Variants in ACSL1 observed in about 807,000 individuals in gnomAD.
ACSL1 encodes the protein long-chain-fatty-acid--CoA ligase 1.
A neutral mutation model predicts 98.4 loss-of-function variants in ACSL1; 41 were observed. That is an observed-to-expected ratio of 0.42 (90% CI 0.32 to 0.54). The LOEUF (loss-of-function observed/expected upper bound fraction) is 0.54, where lower values mean the gene tolerates loss of function less well. ACSL1 is among the 20% of genes least tolerant of loss of function. The probability of loss-of-function intolerance (pLI) is 0.13; values close to 1 mark genes in which losing one functional copy is unlikely to be tolerated. For missense variants in ACSL1, 734 were observed against 883.1 expected (o/e 0.83, Z 2.14); for synonymous variants, 316 against 322.7 (o/e 0.98, Z 0.22).
chr4:184,774,551 G>A (rs1024987588), intron 7 of ACSL1, among the ~76,000 whole-genome samples: 1 of 152,112 alleles, frequency 6.6e-6, no homozygotes, highest in Admixed American at 6.5e-5. Context: ...TTTCCCAGCG[G>A]CAGGCTTCCA....
At chr4:184,775,893 C>T (rs768380122) in intron 7 of ACSL1, among the ~76,000 whole-genome samples, 18 of 152,148 alleles carry the variant, frequency 1.2e-4, no homozygotes, top group African/African-American at 4.1e-4. Context: ...GTCCAACTGA[C>T]GGGGATCAAC....
intron 2 of ACSL1, among the ~76,000 whole-genome samples, chr4:184,796,261 T>C (rs1377227230): frequency 6.6e-6 from 1 of 152,218 alleles, no homozygotes; most frequent in African/African-American, 2.4e-5. Flanking sequence ...TCGGACTGGC[T>C]TTCTTGCTCC....
chr4:184,825,167 G>A lies in ACSL1; in HGVS notation c.-33+749C>T, dbSNP rs931791856. The A allele has an allele frequency of 2.0e-6, 2 of 985,098 alleles. No homozygotes were observed. The highest frequency in any genetic ancestry group is 2.4e-6 in the Non-Finnish European group (2 of 829,828). The allele number at this position is 985,098 out of a possible 1,614,324, so 61.0% of individuals were successfully genotyped here. Reference sequence around the variant, plus strand: ...GGTTTCCACACTCTCACAACGCACCGACTGGGGGAACGCCTGTCCCCAGAC... The same window carrying A: ...GGTTTCCACACTCTCACAACGCACCAACTGGGGGAACGCCTGTCCCCAGAC... On this transcript the variant is annotated intron_variant, in intron 1 of 20. Coordinates refer to ENST00000281455, the MANE Select transcript of ACSL1 (RefSeq NM_001995.5). The surrounding 1 kb of genome is among the most constrained non-coding windows in gnomAD (Gnocchi z 4.7).
chr4:184,763,675 G>A (rs543569084), intron 15 of ACSL1, among the ~76,000 whole-genome samples: 37 of 152,158 alleles, frequency 2.4e-4, no homozygotes, highest in Non-Finnish European at 4.4e-4. Context: ...CAAACCTCAC[G>A]CACCACCTGG....
At chr4:184,761,561 C>G (rs1259798395) in intron 17 of ACSL1, among the ~76,000 whole-genome samples, 1 of 152,222 alleles carries the variant, frequency 6.6e-6, no homozygotes, top group African/African-American at 2.4e-5. Flanking sequence ...TTCAGAATTT[C>G]TCTACAGTAA....
chr4:184,806,664 T>C (rs1771465331), intron 1 of ACSL1, among the ~76,000 whole-genome samples: 1 of 152,178 alleles, frequency 6.6e-6, no homozygotes, highest in African/African-American at 2.4e-5. Flanking sequence ...GAAAGTTTAT[T>C]AAATCTAAGA....
intron 1 of ACSL1, among the ~76,000 whole-genome samples, chr4:184,814,445 C>T (rs891158617): frequency 6.6e-6 from 1 of 151,994 alleles, no homozygotes; most frequent in Non-Finnish European, 1.5e-5. Context: ...ATCAAGTTTC[C>T]ACCTAATACC....
intron 2 of ACSL1, among the ~76,000 whole-genome samples, chr4:184,795,214 A>AC (rs1376982401): frequency 5.3e-5 from 8 of 152,228 alleles, no homozygotes; most frequent in African/African-American, 1.9e-4. Context: ...CAGCTTTTGG[A>AC]CAATGGGTGC....
chr4:184,790,109 G>T (rs1172980299), intron 2 of ACSL1, among the ~76,000 whole-genome samples: 1 of 152,130 alleles, frequency 6.6e-6, no homozygotes, highest in Non-Finnish European at 1.5e-5. Context: ...GGCTGAGGAG[G>T]GCCGCGCTGA....
At chr4:184,768,778 T>C (rs1764020280) in intron 11 of ACSL1, among the ~76,000 whole-genome samples, 1 of 152,152 alleles carries the variant, frequency 6.6e-6, no homozygotes, top group Non-Finnish European at 1.5e-5. Context: ...ATATTCTAAA[T>C]ATTTTTAGTG....
chr4:184,812,020 G>A, intron 1 of ACSL1: 1 of 258,838 alleles, frequency 3.9e-6, no homozygotes, highest in Non-Finnish European at 6.0e-6. Context: ...CTTCATGTGG[G>A]AGGAGGCGGC....
At chr4:184,794,600 T>A (rs913469408) in intron 2 of ACSL1, among the ~76,000 whole-genome samples, 4 of 152,184 alleles carry the variant, frequency 2.6e-5, no homozygotes, top group Non-Finnish European at 4.4e-5. Flanking sequence ...CCTCTCCAGA[T>A]GAGGAAGCTC....
At chr4:184,775,579 G>C (rs60241287) in intron 7 of ACSL1, among the ~76,000 whole-genome samples, 1 of 152,038 alleles carries the variant, frequency 6.6e-6, no homozygotes, top group Non-Finnish European at 1.5e-5. Context: ...TACTGAGAGA[G>C]AGAGTTGGGC....
intron 18 of ACSL1, chr4:184,758,747 A>G (rs1455190032): frequency 2.6e-5 from 4 of 152,224 alleles, no homozygotes; most frequent in Non-Finnish European, 4.4e-5. Flanking sequence ...AAATAATTTT[A>G]AAATCTAACA....
chr4:184,784,908 A>G (rs1766955971), intron 3 of ACSL1, among the ~76,000 whole-genome samples: 1 of 152,254 alleles, frequency 6.6e-6, no homozygotes, highest in Non-Finnish European at 1.5e-5. Flanking sequence ...TCTCCCATTT[A>G]CAGAGACTGT....
chr4:184,758,892 T>TGGGA (rs1762483978), intron 18 of ACSL1: 1 of 84,934 alleles, frequency 1.2e-5, no homozygotes, highest in African/African-American at 4.5e-5. Context: ...ATGCTATCCC[T>TGGGA]CCCTCCCTCC....
intron 1 of ACSL1, among the ~76,000 whole-genome samples, chr4:184,819,128 C>T (rs960170225): frequency 1.3e-5 from 2 of 149,150 alleles, no homozygotes; most frequent in Non-Finnish European, 3.0e-5. Context: ...GGCATCGTAC[C>T]ATTTAGATGT....
intron 5 of ACSL1, among the ~76,000 whole-genome samples, chr4:184,778,531 G>A (rs1765680697): frequency 6.6e-6 from 1 of 152,110 alleles, no homozygotes; most frequent in South Asian, 2.1e-4. Context: ...TTCTACTCAG[G>A]TGCCACCTCC....
rs78131043 is a variant in ACSL1, at chr4:184,778,246, T to A, written c.478-1263A>T. Reference sequence around the variant, plus strand: ...TTTCTAATGAAATCATCTGCAGAACTCTGACACACAGGACAGAAAAAGGCA... The same window carrying A: ...TTTCTAATGAAATCATCTGCAGAACACTGACACACAGGACAGAAAAAGGCA... On this transcript the variant is annotated intron_variant, in intron 5 of 20. Coordinates refer to ENST00000281455, the MANE Select transcript of ACSL1 (RefSeq NM_001995.5). Among the ~76,000 whole-genome samples the A allele has an allele frequency of 4.4e-3, 676 of 152,278 alleles. 12 individuals carry two copies. Among genetic ancestry groups the A allele is most frequent in the East Asian group, 0.034 (176 of 5,182 alleles).
Sources: allele counts gnomAD v4.1 joint callset (sites outside exome capture counted in the v4.1 genomes callset), GRCh38; gene constraint gnomAD v4.1.1; non-coding constraint Gnocchi (gnomAD v3.1); transcripts MANE v1.5; gene names NCBI Gene and HGNC (gene_info 2026-07-23, HGNC 2026-07-21).